Variants in ARHGAP39 observed in about 807,000 individuals in gnomAD.
ARHGAP39 encodes Rho GTPase activating protein 39.
Under a neutral mutation model 106.9 loss-of-function variants are expected in ARHGAP39, and 44 were observed. The ratio of observed to expected loss-of-function variants is 0.41; its 90% CI spans 0.32 to 0.53. ARHGAP39 has a LOEUF of 0.53. Ranked by LOEUF, ARHGAP39 falls within the 20% of genes least tolerant of loss-of-function variation. ARHGAP39 has a pLI of 0.21. For synonymous variants in ARHGAP39, 768 were observed against 693.2 expected, an observed-to-expected ratio of 1.11 and a Z score of -1.69; for missense variants, 1,496 against 1,577.3, an observed-to-expected ratio of 0.95 and a Z score of 0.87.
upstream of ARHGAP39, among the ~76,000 whole-genome samples, chr8:144,687,669 TA>T (rs1241087948): frequency 4.7e-4 from 49 of 103,962 alleles, no homozygotes; most frequent in Non-Finnish European, 6.3e-4. Context: ...GACCACACAC[TA>T]GCAGTGAGCA....
chr8:144,547,318 C>A lies in ARHGAP39; in HGVS notation c.1768G>T (p.Ala590Ser). 1 of 1,609,674 alleles carries A rather than the reference C, an allele frequency of 6.2e-7. No homozygotes were observed. Among genetic ancestry groups the A allele is most frequent in the Non-Finnish European group, 8.5e-7 (1 of 1,179,000 alleles). The change falls in exon 5 of 12, where the codon GCC becomes TCC. Residue 590 changes from alanine to serine, a missense_variant. This residue lies in a region of ARHGAP39 where 905 missense variants were observed against 816.4 expected (regional missense o/e 1.11). Transcript: ENST00000377307. This position sits in a 1 kb window ranked among gnomAD's most constrained non-coding sequence, Gnocchi z 5.2. ...GGCCCGGGCATGGGCAGTGGCAGGGCGCCGTCGCTCTCGTAGCCAGAGCCG... is the reference window on the plus strand; with the variant it reads ...GGCCCGGGCATGGGCAGTGGCAGGGAGCCGTCGCTCTCGTAGCCAGAGCCG... ...QDGSGYESDG[A>S]LPLPMPGPVV...
At chr8:144,627,405 A>G (rs1820949344) in intron 1 of ARHGAP39, among the ~76,000 whole-genome samples, 1 of 152,068 alleles carries the variant, frequency 6.6e-6, no homozygotes, top group Non-Finnish European at 1.5e-5. Context: ...ACAAGAAAAA[A>G]TCAGCTGGGT....
chr8:144,643,318 G>C (rs1249063110), intron 1 of ARHGAP39, among the ~76,000 whole-genome samples: 1 of 151,920 alleles, frequency 6.6e-6, no homozygotes, highest in Non-Finnish European at 1.5e-5. Flanking sequence ...GCCAGGCATG[G>C]TGGTGCACAC....
At chr8:144,554,878 A>G (rs543233647) in intron 4 of ARHGAP39, among the ~76,000 whole-genome samples, 2 of 152,344 alleles carry the variant, frequency 1.3e-5, no homozygotes, top group Admixed American at 1.3e-4. Context: ...AGAACGCCAG[A>G]GCCCCCTCGG....
chr8:144,546,860 C>T (rs1355812302), intron 5 of ARHGAP39, among the ~76,000 whole-genome samples: 3 of 152,222 alleles, frequency 2.0e-5, no homozygotes, highest in Admixed American at 6.5e-5. Context: ...CAGGGTGTGG[C>T]CTCCAGCTCC....
intron 1 of ARHGAP39, among the ~76,000 whole-genome samples, chr8:144,608,426 T>C (rs1820375433): frequency 6.6e-6 from 1 of 152,118 alleles, no homozygotes; most frequent in Non-Finnish European, 1.5e-5. Flanking sequence ...ACTGACCTCC[T>C]TGTCCTCTTA....
upstream of ARHGAP39, among the ~76,000 whole-genome samples, chr8:144,686,974 C>T (rs867868221): frequency 1.6e-4 from 15 of 92,620 alleles, no homozygotes; most frequent in South Asian, 1.0e-3. Flanking sequence ...CGAGCACTTC[C>T]CACCCCCGTG....
intron 6 of ARHGAP39, among the ~76,000 whole-genome samples, chr8:144,538,864 C>T (rs1817071874): frequency 6.6e-6 from 1 of 152,200 alleles, no homozygotes; most frequent in Admixed American, 6.5e-5. Flanking sequence ...AGCCACTGCG[C>T]CCGGCCTACT....
rs764350164 is a variant in ARHGAP39, at chr8:144,585,762, A to C, written c.81-4485T>G. Among the ~76,000 whole-genome samples, 27 of 152,178 alleles carry C rather than the reference A, an allele frequency of 1.8e-4. No individual in the cohort carries two copies. Among genetic ancestry groups the C allele is most frequent in the Non-Finnish European group, 3.2e-4 (22 of 68,026 alleles). ...GTCGGCTGTACACACCATGCTCTTAAATCTCAACCCTCATGGGCCCCTGCA... is the reference window on the plus strand; with the variant it reads ...GTCGGCTGTACACACCATGCTCTTACATCTCAACCCTCATGGGCCCCTGCA... On this transcript the variant is annotated intron_variant, in intron 2 of 11. Transcript: ENST00000377307. The surrounding 1 kb of genome is among the most constrained non-coding windows in gnomAD (Gnocchi z 4.6).
In ARHGAP39 at chr8:144,684,300, C is replaced by G. The variant is rs891596412; in HGVS notation, c.-82+1386G>C. Among the ~76,000 whole-genome samples the G allele has an allele frequency of 1.3e-5, 2 of 152,252 alleles. No homozygotes were observed. The highest frequency in any genetic ancestry group is 2.9e-5 in the Non-Finnish European group (2 of 68,044). ...CACACCTCCTATCAAATCGCCTTTC[C>G]CTCCCCCGGCGCGAGAATCGCACCT... On this transcript the variant is annotated intron_variant, in intron 1 of 11. Coordinates refer to ENST00000377307, the MANE Select transcript of ARHGAP39 (RefSeq NM_025251.3). This position sits in a 1 kb window ranked among gnomAD's most constrained non-coding sequence, Gnocchi z 4.4.
intron 2 of ARHGAP39, among the ~76,000 whole-genome samples, chr8:144,588,340 G>T (rs1005460062): frequency 6.6e-6 from 1 of 152,262 alleles, no homozygotes; most frequent in Non-Finnish European, 1.5e-5. Context: ...AACCAACGGT[G>T]ATGCCAGAGG....
At chr8:144,635,529 CTA>C (rs1821151878) in intron 1 of ARHGAP39, among the ~76,000 whole-genome samples, 1 of 152,208 alleles carries the variant, frequency 6.6e-6, no homozygotes, top group Non-Finnish European at 1.5e-5. Flanking sequence ...TCCCAAAATT[CTA>C]TGAGTCACTC....
intron 2 of ARHGAP39, among the ~76,000 whole-genome samples, chr8:144,583,691 A>C (rs1252256260): frequency 1.3e-5 from 2 of 152,194 alleles, no homozygotes; most frequent in African/African-American, 4.8e-5. Context: ...ACGATCAAGA[A>C]TTTGTCATGT....
intron 2 of ARHGAP39, among the ~76,000 whole-genome samples, chr8:144,593,554 A>G (rs1336990189): frequency 1.3e-5 from 2 of 152,222 alleles, no homozygotes; most frequent in Admixed American, 6.5e-5. Flanking sequence ...AGCACATGCA[A>G]TAAGACAAAC....
Position 144,534,137 on chromosome 8 carries a change from C to A in ARHGAP39, c.2680G>T (p.Ala894Ser). Residue 894 changes from alanine to serine, a missense_variant, in exon 8 of 12, where the codon GCC becomes TCC. By Grantham distance (99) the Ala-to-Ser change is moderately conservative (BLOSUM62 1). Around this residue, in one of 4 missense-constraint regions of ARHGAP39, gnomAD observed 470 missense variants for 605.1 expected, o/e 0.78. Coordinates refer to ENST00000377307, the MANE Select transcript of ARHGAP39 (RefSeq NM_025251.3). Reference sequence around the variant, plus strand: ...CCCAGGCGCACCCGTACCTTCTTGGCCCCGGTCAGGGCTGCCTTCTGTAGC... The same window carrying A: ...CCCAGGCGCACCCGTACCTTCTTGGACCCGGTCAGGGCTGCCTTCTGTAGC... ...HKLQKAALTG[A>S]KKGLKKPNVE... The A allele has an allele frequency of 6.2e-7, 1 of 1,612,974 alleles. No individual in the cohort carries two copies. The highest frequency in any genetic ancestry group is 1.1e-5 in the South Asian group (1 of 91,058).
At chr8:144,695,803 G>A in the ARHGAP39 span, among the ~76,000 whole-genome samples, 9 of 152,318 alleles carry the variant, frequency 5.9e-5, no homozygotes, top group Admixed American at 5.2e-4. Context: ...GACGCGGGTC[G>A]TTGGGCGTTA....
chr8:144,663,851 G>A (rs1821893668), intron 1 of ARHGAP39, among the ~76,000 whole-genome samples: 4 of 152,186 alleles, frequency 2.6e-5, no homozygotes. Context: ...GATAGGTGCA[G>A]AAAACTCAAT....
At chr8:144,554,224 G>A (rs1019990175) in intron 4 of ARHGAP39, among the ~76,000 whole-genome samples, 3 of 152,166 alleles carry the variant, frequency 2.0e-5, no homozygotes, top group Non-Finnish European at 4.4e-5. Context: ...GGCCAGAGGC[G>A]GCTCCATGGG....
intron 1 of ARHGAP39, among the ~76,000 whole-genome samples, chr8:144,624,584 T>C (rs1176247264): frequency 6.7e-6 from 1 of 149,664 alleles, no homozygotes; most frequent in African/African-American, 2.5e-5. Context: ...GAGCACTCAC[T>C]GCACACTGCG....
Sources: gnomAD v4.1 joint callset for allele counts (sites outside exome capture counted in the v4.1 genomes callset) on GRCh38, gnomAD v4.1.1 for gene constraint, gnomAD v4.1.1 regional missense constraint, Gnocchi (gnomAD v3.1) non-coding constraint, MANE v1.5 for transcripts, NCBI Gene and HGNC (gene_info 2026-07-23, HGNC 2026-07-21) for gene names.